The following SEMA3A variants were observed in gnomAD, a reference collection of about 807,000 sequenced individuals.
SEMA3A encodes the protein semaphorin-3A.
A neutral mutation model predicts 97.9 loss-of-function variants in SEMA3A; 29 were observed. The observed-to-expected ratio is 0.30, with a 90% CI of 0.22 to 0.40. The LOEUF (loss-of-function observed/expected upper bound fraction) is 0.40, where lower values mean the gene tolerates loss of function less well. SEMA3A is among the 10% of genes least tolerant of loss of function. The probability of loss-of-function intolerance (pLI) is 1.00; values close to 1 mark genes in which losing one functional copy is unlikely to be tolerated. For synonymous variants in SEMA3A, 321 were observed against 323.7 expected (o/e 0.99, Z 0.09); for missense variants, 763 against 951.3 (o/e 0.80, Z 2.60).
At chr7:84,045,255 T>C (rs1792303954) in intron 6 of SEMA3A, among the ~76,000 whole-genome samples, 1 of 151,954 alleles carries the variant, frequency 6.6e-6, no homozygotes, top group Non-Finnish European at 1.5e-5. Context: ...GGCATCTTAC[T>C]GAGAACATGA....
chr7:84,359,205 C>G (rs568139503), intron 2 of SEMA3A, among the ~76,000 whole-genome samples: 1 of 152,088 alleles, frequency 6.6e-6, no homozygotes, highest in Non-Finnish European at 1.5e-5. Context: ...GAGGGCATCC[C>G]TGTCTTGTGC....
intron 1 of SEMA3A, among the ~76,000 whole-genome samples, chr7:84,407,790 G>C (rs963641451): frequency 2.6e-5 from 4 of 152,130 alleles, no homozygotes; most frequent in African/African-American, 9.7e-5. Flanking sequence ...ACGAGCAATG[G>C]GGAAGGGATT....
intron 3 of SEMA3A, among the ~76,000 whole-genome samples, chr7:84,119,824 C>T (rs1209304212): frequency 2.0e-5 from 3 of 151,974 alleles, no homozygotes; most frequent in Admixed American, 6.6e-5. Context: ...AATCTTTTTT[C>T]CTGAAGGAAC....
At chr7:84,469,015 T>C (rs973642897) in intron 1 of SEMA3A, among the ~76,000 whole-genome samples, 1 of 152,106 alleles carries the variant, frequency 6.6e-6, no homozygotes, top group Non-Finnish European at 1.5e-5. Flanking sequence ...TGTAAAGAAA[T>C]TTTTTGATCC....
intron 3 of SEMA3A, among the ~76,000 whole-genome samples, chr7:84,295,153 G>A (rs938337915): frequency 5.3e-5 from 8 of 152,002 alleles, no homozygotes; most frequent in African/African-American, 1.7e-4. Flanking sequence ...AAAAGGATTT[G>A]ATTTAGAAGG....
intron 16 of SEMA3A, 37 bp from the exon 17 acceptor site, chr7:83,961,863 T>C: frequency 2.0e-6 from 3 of 1,477,956 alleles, no homozygotes; most frequent in African/African-American, 2.8e-5. Flanking sequence ...AAAATATACA[T>C]ATTTAAAAGA....
intron 15 of SEMA3A, among the ~76,000 whole-genome samples, chr7:83,970,206 T>C (rs1418477208): frequency 2.0e-5 from 3 of 152,186 alleles, no homozygotes. Flanking sequence ...AATAATGTTT[T>C]TAAGGAAGCA....
At chr7:84,091,188 G>GA (rs775479907) in intron 4 of SEMA3A, among the ~76,000 whole-genome samples, 8 of 68,246 alleles carry the variant, frequency 1.2e-4, no homozygotes, top group African/African-American at 2.3e-4. Flanking sequence ...AAGAAAGAAA[G>GA]AAAGAAAGAA....
intron 12 of SEMA3A, among the ~76,000 whole-genome samples, chr7:83,997,744 CTTTT>C (rs745309176): frequency 7.0e-6 from 1 of 142,866 alleles, no homozygotes. Context: ...TGAAATTTTT[CTTTT>C]TTTTTTTTTT....
At chr7:84,392,259 C>T (rs1376725409) in intron 1 of SEMA3A, among the ~76,000 whole-genome samples, 2 of 152,090 alleles carry the variant, frequency 1.3e-5, no homozygotes, top group African/African-American at 2.4e-5. Flanking sequence ...TTCCACCCCA[C>T]CAATCTCTCC....
intron 1 of SEMA3A, among the ~76,000 whole-genome samples, chr7:84,158,343 C>T (rs528315878): frequency 2.0e-5 from 3 of 151,530 alleles, no homozygotes; most frequent in African/African-American, 4.9e-5. Context: ...TTAATAGTGA[C>T]GGGTTTCACC....
chr7:84,478,529 TTTTG>T (rs907693513), intron 1 of SEMA3A, among the ~76,000 whole-genome samples: 3 of 152,234 alleles, frequency 2.0e-5, no homozygotes, highest in East Asian at 1.9e-4. Context: ...TAACATGAAA[TTTTG>T]TTTCTTTCCA....
At position 84,206,410 on chromosome 7, in the gene SEMA3A, C is replaced by T. The variant is rs146956910; in HGVS notation, c.-82-11742G>A. 0.011 allele frequency among the ~76,000 whole-genome samples: 1,697 copies of T among 151,012 alleles called. 61 individuals carry two copies. In the East Asian group the frequency reaches 0.14, roughly 13 times the overall value. ...TGATCTTGGCTCACTGCAAGCTCCG[C>T]CTGCAGGGTTCATGGCATTCTCCTG... On this transcript the variant is annotated intron_variant, in intron 3 of 3. Transcript: ENST00000424555.
chr7:84,379,094 A>T (rs1449558473), intron 1 of SEMA3A, among the ~76,000 whole-genome samples: 2 of 151,852 alleles, frequency 1.3e-5, no homozygotes, highest in East Asian at 1.9e-4. Flanking sequence ...CACCTGGCTA[A>T]TTTTTTGTAT....
intron 2 of SEMA3A, among the ~76,000 whole-genome samples, chr7:84,325,753 T>G (rs914305393): frequency 6.6e-6 from 1 of 152,140 alleles, no homozygotes; most frequent in Non-Finnish European, 1.5e-5. Context: ...ATTGAATATA[T>G]TCAAGGAATA....
chr7:84,179,777 A>T (rs770502395), intron 1 of SEMA3A, among the ~76,000 whole-genome samples: 3 of 151,948 alleles, frequency 2.0e-5, no homozygotes, highest in Non-Finnish European at 4.4e-5. Context: ...GAGAAAGAGA[A>T]CAATAAGTAT....
At chr7:84,349,732 T>G (rs1268998170) in intron 2 of SEMA3A, among the ~76,000 whole-genome samples, 1 of 152,206 alleles carries the variant, frequency 6.6e-6, no homozygotes, top group African/African-American at 2.4e-5. Flanking sequence ...CACCTGTATA[T>G]TTTTCAAACC....
chr7:84,450,461 A>C (rs2116363696), intron 1 of SEMA3A, among the ~76,000 whole-genome samples: 1 of 152,292 alleles, frequency 6.6e-6, no homozygotes, highest in Non-Finnish European at 1.5e-5. Context: ...CAGTGACATG[A>C]ATGTGTTCAG....
At chr7:84,397,522 A>G (rs560577465) in intron 1 of SEMA3A, among the ~76,000 whole-genome samples, 40 of 149,522 alleles carry the variant, frequency 2.7e-4, no homozygotes, top group African/African-American at 9.7e-4. Context: ...CATATATTAC[A>G]TATAACATAT....
Sources: gnomAD v4.1 joint callset for allele counts (sites outside exome capture counted in the v4.1 genomes callset) on GRCh38, gnomAD v4.1.1 for gene constraint, MANE v1.5 for transcripts, NCBI Gene and HGNC (gene_info 2026-07-23, HGNC 2026-07-21) for gene names.